SH3PXD2B: variants seen among roughly 807,000 people sequenced by gnomAD.
SH3PXD2B encodes the protein SH3 and PX domains 2B.
Under a neutral mutation model 73.1 loss-of-function variants are expected in SH3PXD2B, and 37 were observed. The ratio of observed to expected loss-of-function variants is 0.51; its 90% CI spans 0.39 to 0.67. The LOEUF (loss-of-function observed/expected upper bound fraction) is 0.67. SH3PXD2B is among the 30% of genes least tolerant of loss of function. SH3PXD2B has a pLI of 0.00. For synonymous variants in SH3PXD2B, 457 were observed against 480.5 expected (o/e 0.95, Z 0.64); for missense variants, 1,053 against 1,197.8 (o/e 0.88, Z 1.78).
chr5:172,332,961 AGTCTCACTCT>A (rs1452425988), downstream of SH3PXD2B, among the ~76,000 whole-genome samples: 7 of 144,024 alleles, frequency 4.9e-5, no homozygotes, highest in East Asian at 1.4e-3. Flanking sequence ...TTTGAGACCG[AGTCTCACTCT>A]GTCACCCAGG....
At chr5:172,428,613 G>A (rs1483868341) in intron 1 of SH3PXD2B, among the ~76,000 whole-genome samples, 1 of 152,162 alleles carries the variant, frequency 6.6e-6, no homozygotes, top group Non-Finnish European at 1.5e-5. Flanking sequence ...GGGGAAAAAT[G>A]TGTAACTCTA....
At chr5:172,332,988 C>T (rs1447520476), downstream of SH3PXD2B, among the ~76,000 whole-genome samples, 4 of 149,498 alleles carry the variant, frequency 2.7e-5, no homozygotes, top group South Asian at 6.4e-4. Context: ...CAGGCTGGAG[C>T]GCAGTGACGT....
intron 1 of SH3PXD2B, among the ~76,000 whole-genome samples, chr5:172,431,270 A>C (rs1205180749): frequency 6.6e-6 from 1 of 152,230 alleles, no homozygotes; most frequent in Admixed American, 6.5e-5. Context: ...TTTCTCAGAA[A>C]TCTGGGATCA....
intron 5 of SH3PXD2B, among the ~76,000 whole-genome samples, chr5:172,378,869 G>C (rs560225085): frequency 2.4e-3 from 363 of 152,198 alleles, no homozygotes; most frequent in Non-Finnish European, 4.0e-3. Context: ...AGGAGATCGA[G>C]ACCATCCTGG....
Position 172,353,866 on chromosome 5 carries a change from C to G in SH3PXD2B, c.785+22G>C. ...CGTGACCCCAAACCCACCCAGCAACCGTGGGGGGCAGCGGCTGGTACCTGA... is the reference window on the plus strand; with the variant it reads ...CGTGACCCCAAACCCACCCAGCAACGGTGGGGGGCAGCGGCTGGTACCTGA... On this transcript the variant is annotated intron_variant, in intron 9 of 12. Transcript: ENST00000311601. This position sits in a 1 kb window ranked among gnomAD's most constrained non-coding sequence, Gnocchi z 4.3. 6 of 1,603,148 alleles carry G rather than the reference C, an allele frequency of 3.7e-6. No individual in the cohort carries two copies. Among genetic ancestry groups the G allele is most frequent in the Non-Finnish European group, 5.1e-6 (6 of 1,170,970 alleles).
At chr5:172,357,253 G>A (rs1757301412) in intron 8 of SH3PXD2B, among the ~76,000 whole-genome samples, 1 of 151,556 alleles carries the variant, frequency 6.6e-6, no homozygotes, top group East Asian at 1.9e-4. Flanking sequence ...GCGAAACCCC[G>A]TTTCTACTAA....
intron 2 of SH3PXD2B, among the ~76,000 whole-genome samples, chr5:172,415,492 C>T (rs1758799273): frequency 6.6e-6 from 1 of 152,190 alleles, no homozygotes; most frequent in Non-Finnish European, 1.5e-5. Flanking sequence ...GGGCTTGAAT[C>T]CCAGCCATGC....
chr5:172,449,067 A>AC (rs767945263), intron 1 of SH3PXD2B, among the ~76,000 whole-genome samples: 1 of 152,066 alleles, frequency 6.6e-6, no homozygotes, highest in Non-Finnish European at 1.5e-5. Flanking sequence ...CAGCACAGTG[A>AC]CCCCTAGGCT....
At chr5:172,326,353 A>C (rs1240310684) in intron 12 of SH3PXD2B, among the ~76,000 whole-genome samples, 2 of 152,228 alleles carry the variant, frequency 1.3e-5, no homozygotes, top group African/African-American at 4.8e-5. Context: ...TAAACGTTAC[A>C]TGTAAAAGAG....
Position 172,339,408 on chromosome 5 carries a change from G to A in SH3PXD2B, c.1697C>T (p.Ala566Val). The A allele has an allele frequency of 6.2e-7, 1 of 1,614,200 alleles. No homozygotes were observed. Among genetic ancestry groups the A allele is most frequent in the East Asian group, 2.2e-5 (1 of 44,862 alleles). The change falls in exon 13 of 13, where the codon GCC (alanine) becomes GTC (valine). Residue 566 changes from alanine (A) to valine (V), a missense_variant. By Grantham distance (64) the Ala-to-Val change is moderately conservative. Transcript: ENST00000311601. The surrounding 1 kb of genome is among the most constrained non-coding windows in gnomAD (Gnocchi z 6.1). Reference protein sequence around the residue: ...PPGVILPMMPAKHIPPARDSR... With the variant: ...PPGVILPMMPVKHIPPARDSR... ...GTCCCGGGCTGGAGGGATGTGTTTGGCTGGCATCATCGGCAAAATCACGCC... is the reference window on the plus strand; with the variant it reads ...GTCCCGGGCTGGAGGGATGTGTTTGACTGGCATCATCGGCAAAATCACGCC...
At chr5:172,422,912 G>A (rs1759005839) in intron 1 of SH3PXD2B, among the ~76,000 whole-genome samples, 1 of 152,096 alleles carries the variant, frequency 6.6e-6, no homozygotes, top group Admixed American at 6.5e-5. Context: ...TCTTCCACAG[G>A]CCAGCCCATC....
At position 172,373,725 on chromosome 5, in the gene SH3PXD2B, A is replaced by T. The variant is rs1225914241; in HGVS notation, c.427+65T>A. On this transcript the variant is annotated intron_variant, in intron 6 of 12. Transcript: ENST00000311601. ...GCATGGAACCCAGAGCCTGGTGCAC[A>T]GTTGGTGCTCGGCTGGAGTTTGCCG... 3 of 1,531,982 alleles carry T rather than the reference A, an allele frequency of 2.0e-6. No homozygotes were observed. In the East Asian group the frequency reaches 7.0e-5, roughly 36 times the overall value. 94.9% of individuals were successfully genotyped at this position (1,531,982 alleles called of 1,614,324 possible).
intron 7 of SH3PXD2B, among the ~76,000 whole-genome samples, chr5:172,359,845 T>C (rs1478391985): frequency 6.6e-6 from 1 of 152,150 alleles, no homozygotes; most frequent in Non-Finnish European, 1.5e-5. Flanking sequence ...GTGGGCCTAA[T>C]GTAATCCCAG....
At position 172,382,099 on chromosome 5, in the gene SH3PXD2B, G is replaced by A; in HGVS notation, c.338C>T (p.Ser113Phe). The stretch of plus-strand genomic sequence containing the variant: ...GAACTGCAGCACCTCATCACACTGA[G>A]AGATGTAGGGGGGCAGCTGGATGAG... ...KALIQLPPYISQCDEVLQFFE... is the reference protein window; with the variant it reads ...KALIQLPPYIFQCDEVLQFFE... Residue 113 changes from serine to phenylalanine, a missense_variant, in exon 5 of 13, where the codon TCT becomes TTT. Around this residue, in one of 2 missense-constraint regions of SH3PXD2B, gnomAD observed 466 missense variants for 607.1 expected, o/e 0.77. Coordinates refer to ENST00000311601, the MANE Select transcript of SH3PXD2B (RefSeq NM_001017995.3). 1 of 1,611,058 alleles carries A rather than the reference G, an allele frequency of 6.2e-7. No homozygotes were observed. Among genetic ancestry groups the A allele is most frequent in the African/African-American group, 1.3e-5 (1 of 75,010 alleles).
At chr5:172,359,641 C>A (rs369060309) in intron 7 of SH3PXD2B, among the ~76,000 whole-genome samples, 8 of 152,244 alleles carry the variant, frequency 5.3e-5, no homozygotes, top group African/African-American at 1.9e-4. Flanking sequence ...AGGCCTCTCA[C>A]CCCGGCTCAG....
Position 172,421,237 on chromosome 5 carries a change from T to A in SH3PXD2B, c.156+1179A>T, listed in dbSNP as rs1283909886. On this transcript the variant is annotated intron_variant, in intron 2 of 12. Transcript: ENST00000311601. The surrounding 1 kb of genome is among the most constrained non-coding windows in gnomAD (Gnocchi z 4.0). ...ACATCCTATGAGGAGGAACCATGAC[T>A]ACCTCCCACACTTGCTGTTACACGC... Among the ~76,000 whole-genome samples, 2 of 152,170 alleles carry A rather than the reference T, an allele frequency of 1.3e-5. No homozygotes were observed. Among genetic ancestry groups the A allele is most frequent in the East Asian group, 3.9e-4 (2 of 5,194 alleles).
chr5:172,342,825 A>C (rs1007372510), intron 12 of SH3PXD2B, among the ~76,000 whole-genome samples: 1 of 152,084 alleles, frequency 6.6e-6, no homozygotes, highest in African/African-American at 2.4e-5. Flanking sequence ...AGAAGGAGCA[A>C]AGATGGCTGC....
At chr5:172,446,448 G>A (rs945660654) in intron 1 of SH3PXD2B, among the ~76,000 whole-genome samples, 7 of 152,194 alleles carry the variant, frequency 4.6e-5, no homozygotes, top group African/African-American at 1.2e-4. Context: ...TGGCTTCATC[G>A]CCAAGAGGAA....
chr5:172,353,970 G>C lies in SH3PXD2B; in HGVS notation c.703C>G (p.Arg235Gly). The change falls in exon 9 of 13, where the codon CGG (arginine) becomes GGG (glycine). Residue 235 changes from arginine to glycine, a missense_variant. Arg to Gly is a moderately radical substitution (Grantham distance 125). Around this residue, in one of 2 missense-constraint regions of SH3PXD2B, gnomAD observed 466 missense variants for 607.1 expected, o/e 0.77. Coordinates refer to ENST00000311601, the MANE Select transcript of SH3PXD2B (RefSeq NM_001017995.3). This position sits in a 1 kb window ranked among gnomAD's most constrained non-coding sequence, Gnocchi z 4.3. Reference sequence around the variant, plus strand: ...TCCAGGTTCATTTCATCCTGGTCCCGAGCTGTGTACGGGTAGATGACTGTG... The same window carrying C: ...TCCAGGTTCATTTCATCCTGGTCCCCAGCTGTGTACGGGTAGATGACTGTG... ...KYTVIYPYTARDQDEMNLERG... is the reference protein window; with the variant it reads ...KYTVIYPYTAGDQDEMNLERG... 6.2e-7 allele frequency: 1 copy of C among 1,614,070 alleles called. No individual in the cohort carries two copies. The highest frequency in any genetic ancestry group is 8.5e-7 in the Non-Finnish European group (1 of 1,180,032).
Sources: allele counts gnomAD v4.1 joint callset (sites outside exome capture counted in the v4.1 genomes callset), GRCh38; gene constraint gnomAD v4.1.1; regional missense constraint gnomAD v4.1.1; non-coding constraint Gnocchi (gnomAD v3.1); transcripts MANE v1.5; gene names NCBI Gene and HGNC (gene_info 2026-07-23, HGNC 2026-07-21).